PRRT3: variants seen among roughly 807,000 people sequenced by gnomAD.
PRRT3 encodes proline-rich transmembrane protein 3.
Under a neutral mutation model 56.6 loss-of-function variants are expected in PRRT3, and 48 were observed. That is an observed-to-expected ratio of 0.85 (90% CI 0.67 to 1.08). The LOEUF is 1.08. Ranked by LOEUF, PRRT3 falls within the 50% of genes least tolerant of loss-of-function variation. The probability of loss-of-function intolerance (pLI) is 0.00; values close to 1 mark genes in which losing one functional copy is unlikely to be tolerated. For synonymous variants in PRRT3, 641 were observed against 619.1 expected, an observed-to-expected ratio of 1.04 and a Z score of -0.52; for missense variants, 1,370 against 1,353.1, an observed-to-expected ratio of 1.01 and a Z score of -0.20.
At chr3:9,948,031 T>G in intron 3 of PRRT3, 30 bp from the exon 4 acceptor site, 1 of 1,293,854 alleles carries the variant, frequency 7.7e-7, no homozygotes, top group African/African-American at 1.5e-5. Context: ...AAAATAGCCA[T>G]TTGAAAAGTG....
Position 9,949,138 on chromosome 3 carries a change from T to C in PRRT3, c.978A>G (p.Pro326=). Residue 326 remains proline (P), a synonymous_variant, in exon 2 of 4, where the codon CCA becomes CCG. Transcript: ENST00000412055. The surrounding 1 kb of genome is among the most constrained non-coding windows in gnomAD (Gnocchi z 4.5). ...KDSPGPQPTD[P]PASEAPDRPS... is the part of the protein sequence containing the mutation. ...GCCGATCAGGAGCCTCTGAGGCGGG[T>C]GGATCCGTGGGCTGGGGTCCTGGTG... The C allele has an allele frequency of 6.2e-7, 1 of 1,609,458 alleles. No individual in the cohort carries two copies. Among genetic ancestry groups the C allele is most frequent in the Non-Finnish European group, 8.5e-7 (1 of 1,178,438 alleles).
chr3:9,949,805 C>A lies in PRRT3; in HGVS notation c.311G>T (p.Gly104Val). Residue 104 changes from glycine (G) to valine (V), a missense_variant, in exon 2 of 4, where the codon GGA (glycine) becomes GTA (valine). Transcript: ENST00000412055. This position sits in a 1 kb window ranked among gnomAD's most constrained non-coding sequence, Gnocchi z 4.5. ...PALYGPKAAQ[G>V]AQRERLPVTD... ...TACTGGGAGTCGTTCTCTCTGAGCT[C>A]CTTGTGCTGCTTTGGGCCCGTACAG... is the stretch of plus-strand genomic sequence containing the variant. The A allele has an allele frequency of 6.2e-7, 1 of 1,614,146 alleles. No homozygotes were observed. The highest frequency in any genetic ancestry group is 8.5e-7 in the Non-Finnish European group (1 of 1,180,018).
At chr3:9,951,035 C>T (rs1174836187) in intron 1 of PRRT3, among the ~76,000 whole-genome samples, 1 of 152,192 alleles carries the variant, frequency 6.6e-6, no homozygotes, top group Non-Finnish European at 1.5e-5. Flanking sequence ...AGGTTCATAC[C>T]TGATGCTTGA....
intron 1 of PRRT3, among the ~76,000 whole-genome samples, chr3:9,951,901 C>G (rs2085625020): frequency 6.6e-6 from 1 of 152,222 alleles, no homozygotes; most frequent in African/African-American, 2.4e-5. Flanking sequence ...AAAAGCTTTG[C>G]CGAGAAAACG....
At position 9,947,954 on chromosome 3, in the gene PRRT3, G is replaced by T. The variant is rs1308555677; in HGVS notation, c.1219C>A (p.Pro407Thr). The T allele has an allele frequency of 1.4e-6, 2 of 1,382,556 alleles. No homozygotes were observed. The highest frequency in any genetic ancestry group is 1.5e-5 in the African/African-American group (1 of 66,430). The allele number at this position is 1,382,556 out of a possible 1,614,324, so 85.6% of individuals were successfully genotyped here. A position where few individuals can be genotyped will look rare whatever the true frequency, so the allele number is the denominator to read the frequency against. ...PGRPQSHPPA[P>T]PVQAPSTSRR... The stretch of plus-strand genomic sequence containing the variant: ...GACGTCGAGGGGGCCTGGACTGGGG[G>T]TGCTGGGGGATGGCTTTGGGGGCGC... Residue 407 changes from proline to threonine, a missense_variant, in exon 4 of 4, where the codon CCC (proline) becomes ACC (threonine). Coordinates refer to ENST00000412055, the MANE Select transcript of PRRT3 (RefSeq NM_207351.5). This position sits in a 1 kb window ranked among gnomAD's most constrained non-coding sequence, Gnocchi z 9.2.
Position 9,947,981 on chromosome 3 carries a change from C to T in PRRT3, c.1192G>A (p.Gly398Arg), listed in dbSNP as rs2085558970. 2.2e-6 allele frequency: 3 copies of T among 1,354,266 alleles called. No homozygotes were observed. The highest frequency in any genetic ancestry group is 2.8e-6 in the Non-Finnish European group (3 of 1,055,304). 83.9% of individuals were successfully genotyped at this position (1,354,266 alleles called of 1,614,324 possible). A position where few individuals can be genotyped will look rare whatever the true frequency, so the allele number is the denominator to read the frequency against. ...LQPDEAEEWPGRPQSHPPAPP... is the reference protein window; with the variant it reads ...LQPDEAEEWPRRPQSHPPAPP... Reference sequence around the variant, plus strand: ...GCTGGGGGATGGCTTTGGGGGCGCCCCGGCCACTCCTCGGCTTCATCTGCA... The same window carrying T: ...GCTGGGGGATGGCTTTGGGGGCGCCTCGGCCACTCCTCGGCTTCATCTGCA... Residue 398 changes from glycine to arginine, a missense_variant, in exon 4 of 4, where the codon GGG becomes AGG. Coordinates refer to ENST00000412055, the MANE Select transcript of PRRT3 (RefSeq NM_207351.5). This position sits in a 1 kb window ranked among gnomAD's most constrained non-coding sequence, Gnocchi z 9.2.
intron 3 of PRRT3, 112 bp downstream of exon 3, chr3:9,948,643 AAGG>A (rs1559343453): frequency 8.0e-7 from 1 of 1,246,318 alleles, no homozygotes; most frequent in South Asian, 1.2e-5. Context: ...CAACTCCTTT[AAGG>A]AGGTGATTGT....
chr3:9,951,178 G>A (rs2085615153), intron 1 of PRRT3, among the ~76,000 whole-genome samples: 1 of 152,098 alleles, frequency 6.6e-6, no homozygotes, highest in Non-Finnish European at 1.5e-5. Context: ...CTGGCCCCAC[G>A]TGGATATCCC....
In PRRT3 at chr3:9,949,562, T is replaced by C. The variant is rs2085588212; in HGVS notation, c.554A>G (p.Asp185Gly). The C allele has an allele frequency of 6.2e-7, 1 of 1,614,028 alleles. No homozygotes were observed. Among genetic ancestry groups the C allele is most frequent in the Non-Finnish European group, 8.5e-7 (1 of 1,180,024 alleles). The change falls in exon 2 of 4, where the codon GAT (aspartate) becomes GGT (glycine). Residue 185 changes from aspartate (D) to glycine (G), a missense_variant. Transcript: ENST00000412055. This position sits in a 1 kb window ranked among gnomAD's most constrained non-coding sequence, Gnocchi z 4.5. ...EGQEGQWPPR[D>G]EGLKAKTKSR... The stretch of plus-strand genomic sequence containing the variant: ...CTTAGTTTTGGCCTTCAGACCCTCA[T>C]CTCTAGGTGGCCACTGTCCCTCTTG...
At position 9,947,151 on chromosome 3, in the gene PRRT3, G is replaced by A. The variant is rs1166515082; in HGVS notation, c.2022C>T (p.Ala674=). 3 of 1,537,122 alleles carry A rather than the reference G, an allele frequency of 2.0e-6. No homozygotes were observed. The highest frequency in any genetic ancestry group is 2.4e-5 in the South Asian group (2 of 83,976). ...GPGRVGRFSW[A]WWGVHFWLRL... ...GCAGCCAGAAGTGGACACCCCACCAGGCCCACGAGAAGCGGCCCACGCGGC... is the reference window on the plus strand; with the variant it reads ...GCAGCCAGAAGTGGACACCCCACCAAGCCCACGAGAAGCGGCCCACGCGGC... Residue 674 remains alanine, a synonymous_variant, in exon 4 of 4, where the codon GCC becomes GCT. Coordinates refer to ENST00000412055, the MANE Select transcript of PRRT3 (RefSeq NM_207351.5). The surrounding 1 kb of genome is among the most constrained non-coding windows in gnomAD (Gnocchi z 9.2).
rs370041601 is a variant in PRRT3, at chr3:9,947,594, C to T, written c.1579G>A (p.Gly527Ser). ...CGAACGCCCAGCCGCGCCTGCGAGC[C>T]GTAAGGGTCGGTAAGCATGTAGGCG... ...RSAYMLTDPY[G>S]SQARLGVRGG... The change falls in exon 4 of 4, where the codon GGC (glycine) becomes AGC (serine). Residue 527 changes from glycine (G) to serine (S), a missense_variant. Coordinates refer to ENST00000412055, the MANE Select transcript of PRRT3 (RefSeq NM_207351.5). This position sits in a 1 kb window ranked among gnomAD's most constrained non-coding sequence, Gnocchi z 9.2. 5.6e-6 allele frequency: 9 copies of T among 1,602,870 alleles called. No homozygotes were observed. Among genetic ancestry groups the T allele is most frequent in the Non-Finnish European group, 6.0e-6 (7 of 1,175,070 alleles).
chr3:9,946,231 A>T lies in PRRT3; in HGVS notation c.2942T>A (p.Leu981His), dbSNP rs894448409. ...SRSASSDTIE[L>H] ...GCCCTGCGTCAGGACCGCTCTTCAA[A>T]GCTCGATGGTATCACTGGAGGCGCT... The change falls in exon 4 of 4, where the codon CTT becomes CAT. Residue 981 changes from leucine to histidine, a missense_variant. Leu to His is a moderately conservative substitution (Grantham distance 99). Transcript: ENST00000412055. The surrounding 1 kb of genome is among the most constrained non-coding windows in gnomAD (Gnocchi z 4.1). 1 of 1,611,896 alleles carries T rather than the reference A, an allele frequency of 6.2e-7. No individual in the cohort carries two copies. The highest frequency in any genetic ancestry group is 8.5e-7 in the Non-Finnish European group (1 of 1,179,540).
At position 9,949,251 on chromosome 3, in the gene PRRT3, G is replaced by A. The variant is rs768239929; in HGVS notation, c.865C>T (p.Pro289Ser). ...PPAEELPVETPKRAGAEVSWE... is the reference protein window; with the variant it reads ...PPAEELPVETSKRAGAEVSWE... ...GACACCTCAGCGCCAGCCCTCTTGG[G>A]GGTCTCAACCGGCAGCTCCTCAGCA... The change falls in exon 2 of 4, where the codon CCC becomes TCC. Residue 289 changes from proline to serine, a missense_variant. By Grantham distance (74) the Pro-to-Ser change is moderately conservative. Coordinates refer to ENST00000412055, the MANE Select transcript of PRRT3 (RefSeq NM_207351.5). This position sits in a 1 kb window ranked among gnomAD's most constrained non-coding sequence, Gnocchi z 4.5. The A allele has an allele frequency of 2.5e-6, 4 of 1,602,446 alleles. No individual in the cohort carries two copies. The highest frequency in any genetic ancestry group is 2.7e-5 in the African/African-American group (2 of 74,568).
chr3:9,946,383 G>A lies in PRRT3; in HGVS notation c.2790C>T (p.Pro930=), dbSNP rs774056755. Residue 930 remains proline (P), a synonymous_variant, in exon 4 of 4, where the codon CCC becomes CCT. Coordinates refer to ENST00000412055, the MANE Select transcript of PRRT3 (RefSeq NM_207351.5). This position sits in a 1 kb window ranked among gnomAD's most constrained non-coding sequence, Gnocchi z 4.1. ...GTACCGTGCTGGGCAACTCATCTAG[G>A]GGCAGACTGTCCACTGATGACAGCC... The part of the protein sequence containing the change: ...RHGLSSVDSL[P]LDELPSTVQL... 16 of 1,608,552 alleles carry A rather than the reference G, an allele frequency of 9.9e-6. No individual in the cohort carries two copies. Among genetic ancestry groups the A allele is most frequent in the Non-Finnish European group, 1.2e-5 (14 of 1,176,884 alleles).
Position 9,949,688 on chromosome 3 carries a change from G to C in PRRT3, c.428C>G (p.Ala143Gly). The change falls in exon 2 of 4, where the codon GCT becomes GGT. Residue 143 changes from alanine (A) to glycine (G), a missense_variant. Coordinates refer to ENST00000412055, the MANE Select transcript of PRRT3 (RefSeq NM_207351.5). This position sits in a 1 kb window ranked among gnomAD's most constrained non-coding sequence, Gnocchi z 4.5. ...ATGAGGGTGGCCCACTGGGTGGGGA[G>C]CCACTGCTTCTTGCTGCAGAAGCTC... is the stretch of plus-strand genomic sequence containing the variant. ...SQELLQQEAVAPHPVGHPHLT... is the reference protein window; with the variant it reads ...SQELLQQEAVGPHPVGHPHLT... 1 of 1,614,158 alleles carries C rather than the reference G, an allele frequency of 6.2e-7. No homozygotes were observed. The highest frequency in any genetic ancestry group is 8.5e-7 in the Non-Finnish European group (1 of 1,180,032).
Position 9,946,524 on chromosome 3 carries a change from C to T in PRRT3, c.2649G>A (p.Pro883=), listed in dbSNP as rs757346213. The change falls in exon 4 of 4, where the codon CCG becomes CCA. Residue 883 remains proline, a synonymous_variant. Coordinates refer to ENST00000412055, the MANE Select transcript of PRRT3 (RefSeq NM_207351.5). The surrounding 1 kb of genome is among the most constrained non-coding windows in gnomAD (Gnocchi z 4.1). Reference sequence around the variant, plus strand: ...GTGCTTCCACTACGTGCTGTGGGACCGGCCCGCGCACGCGCACGTCGCTGA... The same window carrying T: ...GTGCTTCCACTACGTGCTGTGGGACTGGCCCGCGCACGCGCACGTCGCTGA... ...RSLSDVRVRG[P]VPQHVVEAPD... is the part of the protein sequence containing the mutation. The T allele has an allele frequency of 2.8e-5, 41 of 1,485,046 alleles. No individual in the cohort carries two copies. The highest frequency in any genetic ancestry group is 3.4e-5 in the Non-Finnish European group (38 of 1,116,274). 92.0% of individuals were successfully genotyped at this position (1,485,046 alleles called of 1,614,324 possible). A position where few individuals can be genotyped will look rare whatever the true frequency, so the allele number is the denominator to read the frequency against.
chr3:9,950,887 T>C (rs1448049877), intron 1 of PRRT3, among the ~76,000 whole-genome samples: 3 of 152,220 alleles, frequency 2.0e-5, no homozygotes, highest in Non-Finnish European at 4.4e-5. Context: ...GCGAGGGGCC[T>C]GAGTTTGAAT....
intron 1 of PRRT3, among the ~76,000 whole-genome samples, chr3:9,952,084 C>T (rs2085628285): frequency 6.6e-6 from 1 of 152,140 alleles, no homozygotes. Context: ...AGAGGCCGGC[C>T]TGGGGGCAGG....
At position 9,947,805 on chromosome 3, in the gene PRRT3, G is replaced by T; in HGVS notation, c.1368C>A (p.Pro456=). The change falls in exon 4 of 4, where the codon CCC becomes CCA. Residue 456 remains proline (P), a synonymous_variant. Transcript: ENST00000412055. This position sits in a 1 kb window ranked among gnomAD's most constrained non-coding sequence, Gnocchi z 9.2. ...GCCGAAGGGGGCCCCAGCGTAGCGG[G>T]GGTGCAGTGGCGTTGGCTGGGGGGC... ...ASSPPANATA[P]PLRWGPLRRV... is the part of the protein sequence containing the mutation. 2 of 1,450,898 alleles carry T rather than the reference G, an allele frequency of 1.4e-6. No individual in the cohort carries two copies. The highest frequency in any genetic ancestry group is 1.8e-6 in the Non-Finnish European group (2 of 1,101,970). The allele number at this position is 1,450,898 out of a possible 1,614,324, so 89.9% of individuals were successfully genotyped here.
Sources: gnomAD v4.1 joint callset for allele counts (sites outside exome capture counted in the v4.1 genomes callset) on GRCh38, gnomAD v4.1.1 for gene constraint, Gnocchi (gnomAD v3.1) non-coding constraint, MANE v1.5 for transcripts, NCBI Gene and HGNC (gene_info 2026-07-23, HGNC 2026-07-21) for gene names.